Variants in C1D observed in about 807,000 individuals in gnomAD.
The protein encoded by C1D is C1D nuclear receptor corepressor.
Under a neutral mutation model 17.5 loss-of-function variants are expected in C1D, and 10 were observed. The observed-to-expected ratio is 0.57, with a 90% confidence interval of 0.35 to 0.97. The LOEUF is 0.97. C1D is among the 50% of genes least tolerant of loss of function. The probability of loss-of-function intolerance (pLI) is 0.01; values close to 1 mark genes in which losing one functional copy is unlikely to be tolerated. For missense variants in C1D, 136 were observed against 160.1 expected (o/e 0.85, Z 0.81); for synonymous variants, 49 against 54.0 (o/e 0.91, Z 0.40).
chr2:68,053,561 GT>G (rs1268319179), intron 1 of C1D, among the ~76,000 whole-genome samples: 3 of 152,098 alleles, frequency 2.0e-5, no homozygotes, highest in Non-Finnish European at 4.4e-5. Flanking sequence ...TCCACTCCCA[GT>G]TTTAGAATAT....
intron 4 of C1D, among the ~76,000 whole-genome samples, chr2:68,044,132 T>G (rs1461868156): frequency 6.6e-6 from 1 of 152,206 alleles, no homozygotes; most frequent in Non-Finnish European, 1.5e-5. Context: ...CTTACCCTAC[T>G]CTTTTTCTTT....
Position 68,050,327 on chromosome 2 carries a change from A to G in C1D, c.-9-3008T>C, listed in dbSNP as rs77903167. On this transcript the variant is annotated intron_variant, in intron 1 of 4. Coordinates refer to ENST00000410067, the MANE Select transcript of C1D (RefSeq NM_173177.3). Reference sequence around the variant, plus strand: ...AAAAAAAAAAAAATTTCTTGACTTCATATCACCCCCCAGCTAAGGCCCCAT... The same window carrying G: ...AAAAAAAAAAAAATTTCTTGACTTCGTATCACCCCCCAGCTAAGGCCCCAT... Among the ~76,000 whole-genome samples, 294 of 152,078 alleles carry G rather than the reference A, an allele frequency of 1.9e-3. 8 individuals are homozygous for G. In the East Asian group the frequency reaches 0.053, roughly 28 times the overall value.
chr2:68,053,545 T>A (rs1209480906), intron 1 of C1D, among the ~76,000 whole-genome samples: 1 of 152,206 alleles, frequency 6.6e-6, no homozygotes. Flanking sequence ...CTATTATCAA[T>A]TTTTCTCCAC....
At chr2:68,043,615 A>C (rs1671033335) in intron 4 of C1D, among the ~76,000 whole-genome samples, 1 of 152,200 alleles carries the variant, frequency 6.6e-6, no homozygotes, top group South Asian at 2.1e-4. Flanking sequence ...TAAAATATAC[A>C]GTTCTAATCA....
Position 68,055,536 on chromosome 2 carries a change from C to T in C1D, c.-10+7422G>A, listed in dbSNP as rs142214930. Among the ~76,000 whole-genome samples the T allele has an allele frequency of 5.5e-4, 83 of 150,970 alleles. No individual in the cohort carries two copies. The East Asian group carries it at 0.015, about 27-fold the overall frequency. On this transcript the variant is annotated intron_variant, in intron 1 of 4. Transcript: ENST00000410067. ...AGAAGAGATTTAAGAGATGTAACAACCAAATGAAATACACAGACCTTGTTT... is the reference window on the plus strand; with the variant it reads ...AGAAGAGATTTAAGAGATGTAACAATCAAATGAAATACACAGACCTTGTTT...
intron 4 of C1D, 142 bp downstream of exon 4, chr2:68,045,846 A>G (rs1671103626): frequency 1.8e-6 from 1 of 563,674 alleles, no homozygotes; most frequent in African/African-American, 2.0e-5. Flanking sequence ...GAGAAAAAAA[A>G]ACCCAAAGAT....
chr2:68,043,022 T>C lies in C1D; in HGVS notation c.293A>G (p.Lys98Arg). Residue 98 changes from lysine (K) to arginine (R), a missense_variant, in exon 5 of 5, where the codon AAG (lysine) becomes AGG (arginine). Coordinates refer to ENST00000410067, the MANE Select transcript of C1D (RefSeq NM_173177.3). The part of the protein sequence containing the change: ...ERIRVYMNRV[K>R]EITDKKKAGK... ...AGCCTTTTTCTTGTCTGTTATTTCC[T>C]TGACTCTGTTCATATATACTCTGAT... is the stretch of plus-strand genomic sequence containing the variant. 6.2e-7 allele frequency: 1 copy of C among 1,609,276 alleles called. No homozygotes were observed. The highest frequency in any genetic ancestry group is 8.5e-7 in the Non-Finnish European group (1 of 1,177,356).
chr2:68,049,874 T>C (rs981398394), intron 1 of C1D, among the ~76,000 whole-genome samples: 2 of 152,178 alleles, frequency 1.3e-5, no homozygotes, highest in African/African-American at 4.8e-5. Context: ...GGTAAAAGGA[T>C]ACCATAAGCA....
At chr2:68,059,581 A>G (rs1248236115) in intron 1 of C1D, among the ~76,000 whole-genome samples, 1 of 152,150 alleles carries the variant, frequency 6.6e-6, no homozygotes, top group African/African-American at 2.4e-5. Context: ...ACATTATCAC[A>G]TATCTATCAA....
chr2:68,046,750 T>C (rs774085274), intron 2 of C1D, among the ~76,000 whole-genome samples: 1 of 152,140 alleles, frequency 6.6e-6, no homozygotes, highest in Non-Finnish European at 1.5e-5. Context: ...AATATAAACA[T>C]TGTACATGAT....
Position 68,045,968 on chromosome 2 carries a change from A to C in C1D, c.261+20T>G. ...AATACAACAACAAACACATAAAATA[A>C]AAAGAAATTAAAATCTTACCAATTC... On this transcript the variant is annotated intron_variant, in intron 4 of 4. Transcript: ENST00000410067. The C allele has an allele frequency of 6.6e-7, 1 of 1,523,038 alleles. No homozygotes were observed. Among genetic ancestry groups the C allele is most frequent in the Non-Finnish European group, 9.0e-7 (1 of 1,112,454 alleles). The allele number at this position is 1,523,038 out of a possible 1,614,324, so 94.3% of individuals were successfully genotyped here.
chr2:68,051,999 A>ATT (rs548838030), intron 1 of C1D, among the ~76,000 whole-genome samples: 273 of 152,198 alleles, frequency 1.8e-3, no homozygotes, highest in Admixed American at 3.5e-3. Context: ...GAAATAAACT[A>ATT]TAACAAAATA....
At chr2:68,055,736 AT>A (rs1171947150) in intron 1 of C1D, among the ~76,000 whole-genome samples, 1 of 152,234 alleles carries the variant, frequency 6.6e-6, no homozygotes, top group Non-Finnish European at 1.5e-5. Flanking sequence ...ACACTGAAGT[AT>A]AGAGGGGTAA....
In C1D at chr2:68,047,261, T is replaced by C. The variant is rs749009078; in HGVS notation, c.50A>G (p.Tyr17Cys). 8.1e-6 allele frequency: 13 copies of C among 1,613,088 alleles called. No homozygotes were observed. Among genetic ancestry groups the C allele is most frequent in the South Asian group, 7.7e-5 (7 of 90,972 alleles). Residue 17 changes from tyrosine to cysteine, a missense_variant, in exon 2 of 5, where the codon TAT (tyrosine) becomes TGT (cysteine). Physicochemically the swap from Tyr to Cys is radical, Grantham distance 194. Transcript: ENST00000410067. ...NEDYPVEIHE[Y>C]LSAFENSIGA... is the part of the protein sequence containing the mutation. ...AATGGAATTCTCAAACGCTGACAAA[T>C]ACTCGTGAATTTCTACTGGATAGTC...
intron 1 of C1D, among the ~76,000 whole-genome samples, chr2:68,056,460 A>T (rs954316966): frequency 6.6e-6 from 1 of 152,224 alleles, no homozygotes; most frequent in African/African-American, 2.4e-5. Flanking sequence ...GCCCTTAAAA[A>T]TGCAGGCAAA....
chr2:68,060,057 T>C (rs1320336104), intron 1 of C1D, among the ~76,000 whole-genome samples: 3 of 152,212 alleles, frequency 2.0e-5, no homozygotes, highest in Non-Finnish European at 4.4e-5. Flanking sequence ...CTCCCACAGT[T>C]TTCTACTTCT....
chr2:68,050,651 T>G (rs555570307), intron 1 of C1D, among the ~76,000 whole-genome samples: 4 of 152,168 alleles, frequency 2.6e-5, no homozygotes, highest in Non-Finnish European at 4.4e-5. Context: ...TTAACCAAGT[T>G]TGAAGTGCCC....
At chr2:68,044,186 T>G (rs1343644037) in intron 4 of C1D, among the ~76,000 whole-genome samples, 2 of 152,214 alleles carry the variant, frequency 1.3e-5, no homozygotes, top group Non-Finnish European at 2.9e-5. Flanking sequence ...TATATATTTC[T>G]TATTTGTTTA....
chr2:68,051,437 T>C (rs927647487), intron 1 of C1D, among the ~76,000 whole-genome samples: 2 of 152,138 alleles, frequency 1.3e-5, no homozygotes, highest in African/African-American at 4.8e-5. Context: ...ATGGAAGGAC[T>C]GTTTGAGCCT....
Sources: gnomAD v4.1 joint callset for allele counts (sites outside exome capture counted in the v4.1 genomes callset) on GRCh38, gnomAD v4.1.1 for gene constraint, MANE v1.5 for transcripts, NCBI Gene and HGNC (gene_info 2026-07-23, HGNC 2026-07-21) for gene names.